Variants in TLE4 observed in about 807,000 individuals in gnomAD.
The protein encoded by TLE4 is TLE family member 4, transcriptional corepressor.
TLE4 carries 8 observed loss-of-function variants against 92.8 expected under a neutral mutation model. That is an observed-to-expected ratio of 0.09 (90% CI 0.05 to 0.16). TLE4 has a LOEUF of 0.16. Among genes scored for constraint, TLE4 ranks in the 10% least tolerant of loss-of-function variants. TLE4 has a pLI of 1.00. For synonymous variants in TLE4, 371 were observed against 374.1 expected, an observed-to-expected ratio of 0.99 and a Z score of 0.10; for missense variants, 675 against 997.6, an observed-to-expected ratio of 0.68 and a Z score of 4.36.
intron 4 of TLE4, among the ~76,000 whole-genome samples, chr9:79,605,777 A>G (rs1466201228): frequency 6.6e-6 from 1 of 152,156 alleles, no homozygotes. Context: ...ACTTGAGAAT[A>G]TCCAGTTAAC....
Position 79,574,861 on chromosome 9 carries a change from T to C in TLE4, c.144-12T>C. 1 of 1,610,246 alleles carries C rather than the reference T, an allele frequency of 6.2e-7. No homozygotes were observed. The highest frequency in any genetic ancestry group is 2.2e-5 in the East Asian group (1 of 44,816). ...AGATCATTGTACTTAGAGTATCTTA[T>C]GTCTTGAACAGTCTGAAGCTGGAAT... On this transcript the variant is annotated splice_polypyrimidine_tract_variant and intron_variant, in intron 2 of 19. Transcript: ENST00000376552.
chr9:79,627,487 T>C, intron 6 of TLE4, 39 bp downstream of exon 6: 4 of 1,586,542 alleles, frequency 2.5e-6, no homozygotes, highest in Non-Finnish European at 3.5e-6. Flanking sequence ...TCTTAGTGTT[T>C]GTCATCAGCT....
chr9:79,684,243 T>A (rs77301405), intron 8 of TLE4, among the ~76,000 whole-genome samples: 4,424 of 152,156 alleles, frequency 0.029, 96 homozygotes, highest in Non-Finnish European at 0.04. Flanking sequence ...CTCTCTAGGC[T>A]GGGCTTGAAT....
At chr9:79,649,434 ATT>A (rs1195505182) in intron 6 of TLE4, 2 of 168,210 alleles carry the variant, frequency 1.2e-5, no homozygotes, top group African/African-American at 4.8e-5. Context: ...ATATAGTGGG[ATT>A]TCTGTTCCCC....
At chr9:79,667,920 A>C (rs1564773881) in intron 8 of TLE4, among the ~76,000 whole-genome samples, 1 of 152,242 alleles carries the variant, frequency 6.6e-6, no homozygotes, top group South Asian at 2.1e-4. Context: ...CCTTTTATGC[A>C]CTTCCACAGT....
intron 4 of TLE4, chr9:79,580,099 G>T (rs544562185): frequency 6.2e-4 from 95 of 152,286 alleles, no homozygotes; most frequent in Admixed American, 2.2e-3. Flanking sequence ...TGAAGAGGCC[G>T]ACTGCTGCCC....
In TLE4 at chr9:79,708,678, G is replaced by A. The variant is rs1189630984; in HGVS notation, c.1155G>A (p.Glu385=). The A allele has an allele frequency of 6.2e-7, 1 of 1,614,030 alleles. No individual in the cohort carries two copies. Among genetic ancestry groups the A allele is most frequent in the Admixed American group, 1.7e-5 (1 of 60,034 alleles). Residue 385 remains glutamate (E), a synonymous_variant, in exon 13 of 20, where the codon GAG becomes GAA. Transcript: ENST00000376552. ...GIVPHAGMNG[E]LTSPGAAYAG... ...TGCCCCATGCTGGAATGAACGGAGA[G>A]CTGACCAGCCCCGGAGCGGCCTACG... is the stretch of plus-strand genomic sequence containing the variant.
intron 11 of TLE4, among the ~76,000 whole-genome samples, 163 bp from the exon 12 acceptor site, chr9:79,707,955 C>CT (rs1272276768): frequency 6.6e-6 from 1 of 152,208 alleles, no homozygotes; most frequent in East Asian, 1.9e-4. Flanking sequence ...TCAAGGAACT[C>CT]TTTTGTTTCT....
intron 4 of TLE4, among the ~76,000 whole-genome samples, chr9:79,588,604 A>G (rs1000271978): frequency 6.6e-5 from 10 of 152,152 alleles, no homozygotes; most frequent in Non-Finnish European, 1.5e-5. Flanking sequence ...TTCATCTTTT[A>G]TCACAGATTC....
At chr9:79,589,743 G>A (rs2132268215) in intron 4 of TLE4, among the ~76,000 whole-genome samples, 1 of 152,280 alleles carries the variant, frequency 6.6e-6, no homozygotes, top group East Asian at 1.9e-4. Flanking sequence ...TGAGACACCA[G>A]TCTGGTTGGT....
Position 79,597,499 on chromosome 9 carries a change from C to T in TLE4, c.253-15157C>T, listed in dbSNP as rs549127651. On this transcript the variant is annotated intron_variant, in intron 4 of 19. Coordinates refer to ENST00000376552, the MANE Select transcript of TLE4 (RefSeq NM_007005.6). ...TTTTTTCTACTAGCCCAGACCCTTC[C>T]TCTGAGACCATTGTATGTCCTCATT... is the stretch of plus-strand genomic sequence containing the variant. Among the ~76,000 whole-genome samples the T allele has an allele frequency of 4.6e-5, 7 of 152,202 alleles. No homozygotes were observed. The South Asian group carries it at 1.2e-3, about 27-fold the overall frequency.
intron 11 of TLE4, among the ~76,000 whole-genome samples, chr9:79,707,454 G>C (rs962046737): frequency 1.3e-5 from 2 of 152,226 alleles, no homozygotes; most frequent in African/African-American, 4.8e-5. Context: ...ACTTTGTGTG[G>C]TGTGTCTTTT....
At chr9:79,700,111 G>A (rs913033759) in intron 8 of TLE4, among the ~76,000 whole-genome samples, 4 of 152,184 alleles carry the variant, frequency 2.6e-5, no homozygotes, top group African/African-American at 4.8e-5. Flanking sequence ...CTGGGACTGC[G>A]CGTTGTACTT....
rs141865162 is a variant in TLE4, at chr9:79,714,405, T to C, written c.1341-4317T>C. ...TGCTTGGCCAGTTCCTCCATCCACC[T>C]ACTGTGTAGTTATTATTGAATGAAT... On this transcript the variant is annotated intron_variant, in intron 14 of 19. Transcript: ENST00000376552. Among the ~76,000 whole-genome samples the C allele has an allele frequency of 1.2e-4, 18 of 152,360 alleles. No individual in the cohort carries two copies. In the East Asian group the frequency reaches 3.5e-3, roughly 29 times the overall value.
intron 1 of TLE4, 22 bp downstream of exon 1, chr9:79,572,857 C>G: frequency 6.3e-7 from 1 of 1,591,322 alleles, no homozygotes; most frequent in Non-Finnish European, 8.6e-7. Flanking sequence ...CGGCGGGGCG[C>G]GGGCTCGCCG....
chr9:79,679,010 C>T (rs1189881402), intron 8 of TLE4, among the ~76,000 whole-genome samples: 2 of 152,034 alleles, frequency 1.3e-5, no homozygotes, highest in South Asian at 2.1e-4. Flanking sequence ...TTTTCTTAAT[C>T]CAGTCTATCA....
chr9:79,690,735 C>T (rs2066878633), intron 8 of TLE4, among the ~76,000 whole-genome samples: 1 of 149,160 alleles, frequency 6.7e-6, no homozygotes, highest in South Asian at 2.2e-4. Context: ...CTTTAACCTT[C>T]CCACAAGGTA....
intron 8 of TLE4, among the ~76,000 whole-genome samples, chr9:79,692,083 C>T (rs980089787): frequency 2.0e-5 from 3 of 152,112 alleles, no homozygotes; most frequent in Non-Finnish European, 4.4e-5. Flanking sequence ...CCCCCCTCCC[C>T]CATGTTAGTT....
At chr9:79,631,602 T>A (rs1321513752) in intron 6 of TLE4, among the ~76,000 whole-genome samples, 1 of 144,914 alleles carries the variant, frequency 6.9e-6, no homozygotes, top group Middle Eastern at 3.6e-3. Context: ...CCTTGTCATA[T>A]GATTGAACCT....
Sources: allele counts gnomAD v4.1 joint callset (sites outside exome capture counted in the v4.1 genomes callset), GRCh38; gene constraint gnomAD v4.1.1; transcripts MANE v1.5; gene names NCBI Gene and HGNC (gene_info 2026-07-23, HGNC 2026-07-21).